Variants in C22orf23 observed in about 807,000 individuals in gnomAD.
C22orf23 encodes the protein chromosome 22 open reading frame 23.
A neutral mutation model predicts 29.7 loss-of-function variants in C22orf23; 30 were observed. The ratio of observed to expected loss-of-function variants is 1.01; its 90% confidence interval spans 0.76 to 1.37. The LOEUF is 1.37. Among genes scored for constraint, C22orf23 ranks in the 40% most tolerant of loss-of-function variants. The pLI is 0.00. For missense variants in C22orf23, 237 were observed against 273.1 expected (o/e 0.87, Z 0.93); for synonymous variants, 90 against 96.1 (o/e 0.94, Z 0.37).
intron 1 of C22orf23, 94 bp downstream of exon 1, chr22:37,953,354 G>C: frequency 1.7e-6 from 1 of 578,276 alleles, no homozygotes. Context: ...CTGACCCAGC[G>C]CCTGTGGCAG....
At chr22:37,944,579 TGAG>T (rs1930580311) in intron 5 of C22orf23, 62 bp from the exon 6 acceptor site, 9 of 1,408,730 alleles carry the variant, frequency 6.4e-6, no homozygotes, top group South Asian at 4.6e-5. Flanking sequence ...TTGCCTCTCT[TGAG>T]GAGAGGAAGT....
intron 3 of C22orf23, among the ~76,000 whole-genome samples, chr22:37,947,846 C>G (rs369119618): frequency 2.0e-5 from 3 of 151,336 alleles, no homozygotes; most frequent in African/African-American, 7.3e-5. Context: ...GTGGCTCATG[C>G]CTGTAATCCC....
At chr22:37,945,242 A>G in intron 4 of C22orf23, 69 bp from the exon 5 acceptor site, 1 of 1,553,742 alleles carries the variant, frequency 6.4e-7, no homozygotes, top group South Asian at 1.3e-5. Flanking sequence ...CTGTGTTCCC[A>G]AGTGCACGTG....
In C22orf23 at chr22:37,953,566, C is replaced by A. The variant is rs918205363; in HGVS notation, c.-128G>T. 22 of 587,518 alleles carry A rather than the reference C, an allele frequency of 3.7e-5. No homozygotes were observed. The highest frequency in any genetic ancestry group is 1.8e-4 in the East Asian group (6 of 32,668). 36.4% of individuals were successfully genotyped at this position (587,518 alleles called of 1,614,324 possible). A position where few individuals can be genotyped will look rare whatever the true frequency, so the allele number is the denominator to read the frequency against. On this transcript the variant is annotated 5_prime_UTR_variant, in exon 1 of 7. Transcript: ENST00000403305. Reference sequence around the variant, plus strand: ...ACGCAGAAATACTGCGCGATCTGGGCTGCTGGAGCTGGCAGCTAGCGCCTC... The same window carrying A: ...ACGCAGAAATACTGCGCGATCTGGGATGCTGGAGCTGGCAGCTAGCGCCTC...
chr22:37,952,789 C>G (rs1931138769), intron 2 of C22orf23: 1 of 390,710 alleles, frequency 2.6e-6, no homozygotes, highest in African/African-American at 2.1e-5. Context: ...GAGCGGCAGG[C>G]TAGCGAGCCT....
chr22:37,950,262 G>A (rs1326992645), intron 3 of C22orf23, among the ~76,000 whole-genome samples: 3 of 151,078 alleles, frequency 2.0e-5, no homozygotes, highest in Non-Finnish European at 4.4e-5. Flanking sequence ...ACAGGCATCC[G>A]CCATCATGCC....
Position 37,950,055 on chromosome 22 carries a change from C to T in C22orf23, c.166+1405G>A, listed in dbSNP as rs541196004. Among the ~76,000 whole-genome samples the T allele has an allele frequency of 1.6e-4, 25 of 152,102 alleles. No individual in the cohort carries two copies. In the East Asian group the frequency reaches 4.8e-3, roughly 29 times the overall value. On this transcript the variant is annotated intron_variant, in intron 3 of 6. Transcript: ENST00000403305. ...GCTCAAGCAATCCTCCTGCCTTAGC[C>T]TCCCAAAGTGATAGGATTATAGGTA...
At chr22:37,947,903 C>T (rs747768267) in intron 3 of C22orf23, among the ~76,000 whole-genome samples, 11 of 150,752 alleles carry the variant, frequency 7.3e-5, no homozygotes, top group Admixed American at 2.0e-4. Context: ...GTCAGGAATT[C>T]GAGACCACCC....
chr22:37,949,818 G>T (rs1930912318), intron 3 of C22orf23, among the ~76,000 whole-genome samples: 1 of 151,968 alleles, frequency 6.6e-6, no homozygotes, highest in Non-Finnish European at 1.5e-5. Flanking sequence ...CCTCTACAAG[G>T]TCAATTCCCC....
chr22:37,953,482 T>C lies in C22orf23; in HGVS notation c.-44A>G, dbSNP rs987073132. ...CTCTCTGGGTGCTCCCCTCTCCACATAGAAGTGGGCTCCCGGAGGCGGTGA... is the reference window on the plus strand; with the variant it reads ...CTCTCTGGGTGCTCCCCTCTCCACACAGAAGTGGGCTCCCGGAGGCGGTGA... On this transcript the variant is annotated 5_prime_UTR_variant, in exon 1 of 7. It removes an upstream start codon present in the reference 5' UTR. Transcript: ENST00000403305. 2 of 545,292 alleles carry C rather than the reference T, an allele frequency of 3.7e-6. No homozygotes were observed. Among genetic ancestry groups the C allele is most frequent in the South Asian group, 2.4e-5 (1 of 41,366 alleles). The allele number at this position is 545,292 out of a possible 1,614,324, so 33.8% of individuals were successfully genotyped here.
Position 37,951,454 on chromosome 22 carries a change from C to T in C22orf23, c.166+6G>A, listed in dbSNP as rs1569158067. 6.2e-7 allele frequency: 1 copy of T among 1,613,522 alleles called. No homozygotes were observed. Among genetic ancestry groups the T allele is most frequent in the East Asian group, 2.2e-5 (1 of 44,868 alleles). On this transcript the variant is annotated splice_donor_region_variant and intron_variant, in intron 3 of 6. Transcript: ENST00000403305. ...GTCCAGGAAGCCTCTGTGGACTGCC[C>T]CTTACTTTTCATGATGTCCATGATG... is the stretch of plus-strand genomic sequence containing the variant.
At chr22:37,944,374 G>T in intron 6 of C22orf23, 43 bp downstream of exon 6, 1 of 1,613,716 alleles carries the variant, frequency 6.2e-7, no homozygotes, top group African/African-American at 1.3e-5. Flanking sequence ...CGCACTTGGC[G>T]CTGGGCCCTT....
chr22:37,946,660 A>G (rs2145695328), intron 4 of C22orf23, among the ~76,000 whole-genome samples: 1 of 151,540 alleles, frequency 6.6e-6, no homozygotes, highest in African/African-American at 2.4e-5. Flanking sequence ...TGGGCGGATC[A>G]CTTGAGGCCA....
chr22:37,946,806 G>T (rs752866736), intron 4 of C22orf23, among the ~76,000 whole-genome samples: 9 of 150,970 alleles, frequency 6.0e-5, no homozygotes, highest in Non-Finnish European at 1.0e-4. Context: ...CCCGGGAGGC[G>T]GAGGTTACAG....
In C22orf23 at chr22:37,944,024, T is replaced by C; in HGVS notation, c.*151A>G. ...CCGGGGCAGGGGCTAGGCTGCTGAGTATGCCTTGGGGTACTGCAGGGCAGT... is the reference window on the plus strand; with the variant it reads ...CCGGGGCAGGGGCTAGGCTGCTGAGCATGCCTTGGGGTACTGCAGGGCAGT... On this transcript the variant is annotated 3_prime_UTR_variant, in exon 7 of 7. Coordinates refer to ENST00000403305, the MANE Select transcript of C22orf23 (RefSeq NM_032561.5). 6 of 718,802 alleles carry C rather than the reference T, an allele frequency of 8.3e-6. No individual in the cohort carries two copies. Among genetic ancestry groups the C allele is most frequent in the Middle Eastern group, 3.5e-4 (1 of 2,830 alleles). 44.5% of individuals were successfully genotyped at this position (718,802 alleles called of 1,614,324 possible).
In C22orf23 at chr22:37,945,037, C is replaced by A. The variant is rs983034278; in HGVS notation, c.481+5G>T. 6.2e-7 allele frequency: 1 copy of A among 1,602,470 alleles called. No homozygotes were observed. Among genetic ancestry groups the A allele is most frequent in the Admixed American group, 1.7e-5 (1 of 57,746 alleles). ...CCCAGCATGACTGGTCCGTCGGAGT[C>A]TTACGCTCTTCAAATCGGTCTAGCT... On this transcript the variant is annotated splice_donor_5th_base_variant and intron_variant, in intron 5 of 6. Transcript: ENST00000403305.
chr22:37,949,925 A>T (rs1930917583), intron 3 of C22orf23, among the ~76,000 whole-genome samples: 1 of 145,672 alleles, frequency 6.9e-6, no homozygotes, highest in African/African-American at 2.5e-5. Flanking sequence ...CTGGCCTTGA[A>T]CTCCTGGGCT....
intron 3 of C22orf23, among the ~76,000 whole-genome samples, chr22:37,949,801 C>T (rs995891931): frequency 3.3e-5 from 5 of 152,026 alleles, no homozygotes; most frequent in Middle Eastern, 6.8e-3. Context: ...CTTTTCTGCC[C>T]ATCCAGCCTC....
intron 3 of C22orf23, among the ~76,000 whole-genome samples, chr22:37,948,994 GTTTGT>G: frequency 6.6e-6 from 1 of 152,022 alleles, no homozygotes; most frequent in African/African-American, 2.4e-5. Context: ...TTATTTCTAG[GTTTGT>G]TTTTTACTAC....
Sources: allele counts gnomAD v4.1 joint callset (sites outside exome capture counted in the v4.1 genomes callset), GRCh38; gene constraint gnomAD v4.1.1; transcripts MANE v1.5; gene names NCBI Gene and HGNC (gene_info 2026-07-23, HGNC 2026-07-21).